Variants in RBFOX1 observed in about 807,000 individuals in gnomAD.
RBFOX1 encodes RNA binding fox-1 homolog 1.
Under a neutral mutation model 57.7 loss-of-function variants are expected in RBFOX1, and 8 were observed. That is an observed-to-expected ratio of 0.14 (90% CI 0.08 to 0.25). The LOEUF (loss-of-function observed/expected upper bound fraction) is 0.25, where lower values mean the gene tolerates loss of function less well. RBFOX1 is among the 10% of genes least tolerant of loss of function. RBFOX1 has a pLI of 1.00. For missense variants in RBFOX1, 611 were observed against 548.5 expected (o/e 1.11, Z -1.14); for synonymous variants, 326 against 222.4 (o/e 1.47, Z -4.15).
Position 5,796,640 on chromosome 16 carries a change from C to T in RBFOX1, c.319-70663C>T, listed in dbSNP as rs182737349. Among the ~76,000 whole-genome samples, 140 of 152,282 alleles carry T rather than the reference C, an allele frequency of 9.2e-4. 2 individuals are homozygous for T. Among genetic ancestry groups the T allele is most frequent in the African/African-American group, 3.1e-3 (129 of 41,552 alleles). ...CACTAATTAGGCTCCACTTACGGTG[C>T]TGACTGTTTACTTGTCAATGCCCAT... On this transcript the variant is annotated intron_variant, in intron 3 of 19. Coordinates refer to the RBFOX1 transcript ENST00000641259.
chr16:6,346,614 A>T (rs531006265), intron 2 of RBFOX1, among the ~76,000 whole-genome samples: 19 of 152,308 alleles, frequency 1.2e-4, no homozygotes, highest in African/African-American at 3.9e-4. Context: ...TCTGGTTCCG[A>T]TGGCAGCCTG....
At chr16:5,555,439 C>A (rs555312728) in intron 2 of RBFOX1, among the ~76,000 whole-genome samples, 1 of 151,456 alleles carries the variant, frequency 6.6e-6, no homozygotes. Context: ...TTAGTACAGA[C>A]GCGGTTTCGC....
At chr16:6,056,264 C>T (rs926526781) in intron 1 of RBFOX1, among the ~76,000 whole-genome samples, 1 of 151,994 alleles carries the variant, frequency 6.6e-6, no homozygotes, top group African/African-American at 2.4e-5. Context: ...AGGGATAAAG[C>T]AAGGAAATTT....
chr16:7,273,980 C>A (rs1242837838), intron 4 of RBFOX1, among the ~76,000 whole-genome samples: 3 of 152,092 alleles, frequency 2.0e-5, no homozygotes, highest in Admixed American at 6.5e-5. Context: ...AAGGATAGTT[C>A]CTGAACTGTG....
At chr16:7,006,580 G>A (rs970894527) in intron 3 of RBFOX1, among the ~76,000 whole-genome samples, 1 of 152,070 alleles carries the variant, frequency 6.6e-6, no homozygotes, top group African/African-American at 2.4e-5. Context: ...TTCCTGAGTA[G>A]GTAGGACTAG....
intron 1 of RBFOX1, among the ~76,000 whole-genome samples, chr16:6,096,847 C>G (rs548939558): frequency 6.6e-6 from 1 of 152,302 alleles, no homozygotes; most frequent in African/African-American, 2.4e-5. Context: ...AGGTCATCAG[C>G]CTCCGCTGGG....
intron 3 of RBFOX1, among the ~76,000 whole-genome samples, chr16:6,994,934 C>T (rs951729237): frequency 7.1e-6 from 1 of 140,680 alleles, no homozygotes; most frequent in South Asian, 2.5e-4. Context: ...GCATGTGATT[C>T]TTGCATTATT....
intron 3 of RBFOX1, among the ~76,000 whole-genome samples, chr16:5,633,018 A>G (rs964443693): frequency 2.1e-5 from 3 of 144,420 alleles, no homozygotes; most frequent in Non-Finnish European, 4.5e-5. Flanking sequence ...AGCTCACTGC[A>G]TCCTCTACCT....
intron 3 of RBFOX1, among the ~76,000 whole-genome samples, chr16:7,004,432 C>T (rs974759968): frequency 6.6e-6 from 1 of 152,162 alleles, no homozygotes; most frequent in Non-Finnish European, 1.5e-5. Context: ...CAGCATTTGG[C>T]TCTGGTGGAG....
chr16:5,738,982 C>T (rs1043246241), intron 3 of RBFOX1, among the ~76,000 whole-genome samples: 5 of 137,862 alleles, frequency 3.6e-5, no homozygotes, highest in African/African-American at 1.3e-4. Context: ...CTCCCACTTA[C>T]TCCACACACC....
intron 4 of RBFOX1, among the ~76,000 whole-genome samples, chr16:7,120,775 A>G (rs1214036043): frequency 6.7e-6 from 1 of 148,854 alleles, no homozygotes; most frequent in Non-Finnish European, 1.5e-5. Context: ...TTATGAGTCT[A>G]ACATTAATCT....
At chr16:7,198,523 A>T (rs943089092) in intron 4 of RBFOX1, among the ~76,000 whole-genome samples, 1 of 152,194 alleles carries the variant, frequency 6.6e-6, no homozygotes, top group Admixed American at 6.5e-5. Flanking sequence ...TTGTAACAGA[A>T]TATCTAAGAC....
chr16:6,979,836 G>T (rs1442005573), intron 3 of RBFOX1, among the ~76,000 whole-genome samples: 2 of 152,148 alleles, frequency 1.3e-5, no homozygotes, highest in Admixed American at 1.3e-4. Flanking sequence ...CACTCAGGCT[G>T]GTGTTGGGCT....
intron 4 of RBFOX1, among the ~76,000 whole-genome samples, chr16:7,112,229 G>A (rs1046302287): frequency 2.0e-5 from 3 of 152,030 alleles, no homozygotes; most frequent in African/African-American, 7.2e-5. Context: ...ATTTTTTTGA[G>A]ATGGGGTCTG....
chr16:5,621,140 C>A (rs1463458518), intron 3 of RBFOX1, among the ~76,000 whole-genome samples: 2 of 152,164 alleles, frequency 1.3e-5, no homozygotes, highest in East Asian at 1.9e-4. Flanking sequence ...TGCGCCCAGC[C>A]TGCTAATTTT....
At chr16:7,401,361 A>G (rs1307603573) in intron 4 of RBFOX1, among the ~76,000 whole-genome samples, 1 of 152,212 alleles carries the variant, frequency 6.6e-6, no homozygotes. Context: ...AGTATTTAGC[A>G]GTTGTTCCAG....
At chr16:7,568,105 T>C (rs1398978336) in intron 5 of RBFOX1, among the ~76,000 whole-genome samples, 1 of 151,796 alleles carries the variant, frequency 6.6e-6, no homozygotes, top group Non-Finnish European at 1.5e-5. Flanking sequence ...CAAGAAAGGG[T>C]TCTAGGATCT....
intron 2 of RBFOX1, among the ~76,000 whole-genome samples, chr16:6,385,262 A>G (rs73532347): frequency 0.11 from 17,154 of 152,298 alleles, 1,153 homozygotes; most frequent in Middle Eastern, 0.2. Context: ...TTAAGGACGT[A>G]GGTCTGGGTT....
chr16:5,307,964 C>T (rs1360997088), intron 1 of RBFOX1, among the ~76,000 whole-genome samples: 1 of 152,178 alleles, frequency 6.6e-6, no homozygotes, highest in Non-Finnish European at 1.5e-5. Flanking sequence ...AAGCTTGAAC[C>T]ACCGTGCCTG....
Sources: allele counts gnomAD v4.1 joint callset (sites outside exome capture counted in the v4.1 genomes callset), GRCh38; gene constraint gnomAD v4.1.1; transcripts MANE v1.5; gene names NCBI Gene and HGNC (gene_info 2026-07-23, HGNC 2026-07-21).